The following UGT1A8 variants were observed in gnomAD, a reference collection of about 807,000 sequenced individuals.
UGT1A8 encodes UDP glucuronosyltransferase family 1 member A8, also known as UDP-glucuronosyltransferase 1A8.
UGT1A8 carries 39 observed loss-of-function variants against 45.3 expected under a neutral mutation model. The observed-to-expected ratio is 0.86, with a 90% CI of 0.67 to 1.12. The LOEUF is 1.12. UGT1A8 is among the 50% of genes most tolerant of loss of function. The probability of loss-of-function intolerance (pLI) is 0.00; values close to 1 mark genes in which losing one functional copy is unlikely to be tolerated. For synonymous variants in UGT1A8, 275 were observed against 249.2 expected, an observed-to-expected ratio of 1.10 and a Z score of -0.97; for missense variants, 719 against 664.9, an observed-to-expected ratio of 1.08 and a Z score of -0.90.
intron 1 of UGT1A8, among the ~76,000 whole-genome samples, chr2:233,751,403 T>G (rs1694718342): frequency 6.6e-6 from 1 of 152,162 alleles, no homozygotes; most frequent in Admixed American, 6.5e-5. Flanking sequence ...GACTTTGGAC[T>G]ATGGACTTTT....
chr2:233,708,027 G>A (rs749696911), intron 1 of UGT1A8, among the ~76,000 whole-genome samples: 9 of 151,878 alleles, frequency 5.9e-5, no homozygotes, highest in South Asian at 4.2e-4. Flanking sequence ...TAGTTCTTTG[G>A]CAGTTATAGA....
At chr2:233,677,079 A>C (rs1311557264) in intron 1 of UGT1A8, among the ~76,000 whole-genome samples, 1 of 152,082 alleles carries the variant, frequency 6.6e-6, no homozygotes, top group East Asian at 1.9e-4. Context: ...TAATGTGTGC[A>C]AAAATCCTGC....
intron 1 of UGT1A8, among the ~76,000 whole-genome samples, chr2:233,761,379 G>A (rs1697758727): frequency 6.6e-6 from 1 of 152,206 alleles, no homozygotes; most frequent in African/African-American, 2.4e-5. Context: ...ATTTTACTCT[G>A]TGTGCTCCAG....
intron 1 of UGT1A8, among the ~76,000 whole-genome samples, chr2:233,763,956 G>A (rs1159458395): frequency 1.3e-5 from 2 of 152,194 alleles, no homozygotes; most frequent in Admixed American, 1.3e-4. Context: ...GAGCAGGGAA[G>A]GTTGAGATAT....
chr2:233,657,640 G>A (rs976520342), intron 1 of UGT1A8, among the ~76,000 whole-genome samples: 1 of 152,156 alleles, frequency 6.6e-6, no homozygotes, highest in Non-Finnish European at 1.5e-5. Context: ...CTTGACTTGA[G>A]GGAGTCAGAT....
chr2:233,626,413 T>A (rs1270618485), intron 1 of UGT1A8, among the ~76,000 whole-genome samples: 1 of 152,114 alleles, frequency 6.6e-6, no homozygotes, highest in Non-Finnish European at 1.5e-5. Context: ...GAGTGTGGTG[T>A]CTATTGACTC....
intron 1 of UGT1A8, among the ~76,000 whole-genome samples, chr2:233,670,520 C>A (rs2074161270): frequency 6.6e-6 from 1 of 152,116 alleles, no homozygotes. Context: ...AAGCCTTTGC[C>A]AAACTGTTTA....
At position 233,719,606 on chromosome 2, in the gene UGT1A8, G is replaced by A. The variant is rs762263930; in HGVS notation, c.856-47428G>A. The A allele has an allele frequency of 4.3e-6, 7 of 1,614,054 alleles. No individual in the cohort carries two copies. In the East Asian group the frequency reaches 1.3e-4, roughly 31 times the overall value. On this transcript the variant is annotated intron_variant, in intron 1 of 4. Transcript: ENST00000373450. ...TGTGGCTGTTCCGAGGGGACTTTGTGATGGACTACCCCAGGCCGATCATGC... is the reference window on the plus strand; with the variant it reads ...TGTGGCTGTTCCGAGGGGACTTTGTAATGGACTACCCCAGGCCGATCATGC...
intron 1 of UGT1A8, chr2:233,747,709 C>A (rs1194057066): frequency 6.2e-7 from 1 of 1,612,868 alleles, no homozygotes; most frequent in Non-Finnish European, 8.5e-7. Context: ...AAGTACCTAT[C>A]AATTCCTGCT....
chr2:233,719,403 C>T, intron 1 of UGT1A8: 1 of 1,613,982 alleles, frequency 6.2e-7, no homozygotes, highest in African/African-American at 1.3e-5. Flanking sequence ...CTCCTATATT[C>T]CTAAGTTACT....
chr2:233,700,444 A>C (rs1343757710), intron 1 of UGT1A8, among the ~76,000 whole-genome samples: 1 of 152,214 alleles, frequency 6.6e-6, no homozygotes, highest in Non-Finnish European at 1.5e-5. Flanking sequence ...GAGTAGCTGA[A>C]TGCTAGAATG....
At chr2:233,728,231 G>A (rs1452925850) in intron 1 of UGT1A8, among the ~76,000 whole-genome samples, 2 of 152,110 alleles carry the variant, frequency 1.3e-5, no homozygotes, top group Admixed American at 6.5e-5. Context: ...TAATCTTCAG[G>A]ATGAAATAAA....
chr2:233,733,979 A>G (rs1225459712), intron 1 of UGT1A8, among the ~76,000 whole-genome samples: 1 of 152,060 alleles, frequency 6.6e-6, no homozygotes, highest in African/African-American at 2.4e-5. Flanking sequence ...GCGGGGAGGG[A>G]TAGCATTAGG....
chr2:233,681,992 A>C (rs1482897619), intron 1 of UGT1A8: 20 of 1,613,984 alleles, frequency 1.2e-5, no homozygotes, highest in Non-Finnish European at 1.7e-5. Flanking sequence ...TCTACTGCTG[A>C]CCTGTGGCTT....
chr2:233,630,777 T>G (rs2073172313), intron 1 of UGT1A8, among the ~76,000 whole-genome samples: 1 of 151,936 alleles, frequency 6.6e-6, no homozygotes, highest in African/African-American at 2.4e-5. Context: ...TTCAGGTTTG[T>G]TACATAGGTA....
Position 233,769,302 on chromosome 2 carries a change from T to C in UGT1A8, c.1295+863T>C, listed in dbSNP as rs139674601. 9.5e-4 allele frequency among the ~76,000 whole-genome samples: 145 copies of C among 152,348 alleles called. No homozygotes were observed. The highest frequency in any genetic ancestry group is 3.0e-3 in the African/African-American group (125 of 41,572). Reference sequence around the variant, plus strand: ...TGATTTCTGGATTAAAGTTAGTATATTACTGTCAAGCTCACTGGTAATAGG... The same window carrying C: ...TGATTTCTGGATTAAAGTTAGTATACTACTGTCAAGCTCACTGGTAATAGG... On this transcript the variant is annotated intron_variant, in intron 4 of 4. Transcript: ENST00000373450. This position sits in a 1 kb window ranked among gnomAD's most constrained non-coding sequence, Gnocchi z 4.4.
At chr2:233,624,143 GA>G (rs2073056680) in intron 1 of UGT1A8, among the ~76,000 whole-genome samples, 1 of 152,064 alleles carries the variant, frequency 6.6e-6, no homozygotes, top group African/African-American at 2.4e-5. Flanking sequence ...ACATTATGAT[GA>G]GCTAAAGTCT....
At chr2:233,754,817 C>A in intron 1 of UGT1A8, 1 of 1,330,844 alleles carries the variant, frequency 7.5e-7, no homozygotes, top group East Asian at 4.7e-5. Flanking sequence ...AAAAACCACC[C>A]TCAAAAGCTG....
intron 1 of UGT1A8, among the ~76,000 whole-genome samples, chr2:233,669,449 A>G (rs1221546173): frequency 2.0e-5 from 3 of 152,126 alleles, no homozygotes. Flanking sequence ...ATTCATGAAC[A>G]TATCTATTTA....
Sources: gnomAD v4.1 joint callset for allele counts (sites outside exome capture counted in the v4.1 genomes callset) on GRCh38, gnomAD v4.1.1 for gene constraint, Gnocchi (gnomAD v3.1) non-coding constraint, MANE v1.5 for transcripts, NCBI Gene and HGNC (gene_info 2026-07-23, HGNC 2026-07-21) for gene names.